The following TENM2 variants were observed in gnomAD, a reference collection of about 807,000 sequenced individuals.
The protein encoded by TENM2 is teneurin transmembrane protein 2, also known as teneurin-2.
TENM2 carries 52 observed loss-of-function variants against 245.2 expected under a neutral mutation model. The ratio of observed to expected loss-of-function variants is 0.21; its 90% confidence interval spans 0.17 to 0.27. TENM2 has a LOEUF of 0.27. Ranked by LOEUF, TENM2 falls within the 10% of genes least tolerant of loss-of-function variation. The pLI is 1.00. For missense variants in TENM2, 3,046 were observed against 3,666.8 expected (o/e 0.83, Z 4.37); for synonymous variants, 1,363 against 1,438.9 (o/e 0.95, Z 1.19).
chr5:167,115,072 C>T, the TENM2 span, among the ~76,000 whole-genome samples: 1 of 152,168 alleles, frequency 6.6e-6, no homozygotes, highest in African/African-American at 2.4e-5. Context: ...CCAGGAAGAC[C>T]TTGAAGCTGA....
intron 2 of TENM2, among the ~76,000 whole-genome samples, chr5:167,731,715 T>G (rs987907220): frequency 2.0e-5 from 3 of 150,644 alleles, no homozygotes; most frequent in South Asian, 2.1e-4. Context: ...TTTTTTTTTT[T>G]GAAATATTTA....
intron 9 of TENM2, among the ~76,000 whole-genome samples, chr5:168,115,114 T>A: frequency 6.6e-6 from 1 of 151,960 alleles, no homozygotes; most frequent in East Asian, 1.9e-4. Context: ...GCCAACATGG[T>A]GAAATCCCAT....
At chr5:167,023,553 T>G in the TENM2 span, among the ~76,000 whole-genome samples, 1 of 152,204 alleles carries the variant, frequency 6.6e-6, no homozygotes, top group African/African-American at 2.4e-5. Context: ...AAAATGCATC[T>G]AATAAAAATG....
intron 20 of TENM2, among the ~76,000 whole-genome samples, chr5:168,212,465 T>G (rs57386019): frequency 1.3e-5 from 2 of 152,104 alleles, no homozygotes; most frequent in South Asian, 4.1e-4. Context: ...TAAGGAAAAA[T>G]GACCTTATTT....
intron 3 of TENM2, among the ~76,000 whole-genome samples, chr5:167,912,900 A>G (rs2151589116): frequency 6.6e-6 from 1 of 152,276 alleles, no homozygotes; most frequent in African/African-American, 2.4e-5. Context: ...TGTGCCAGCC[A>G]CTGGTACACC....
chr5:168,174,327 C>T (rs1158870430), intron 13 of TENM2, among the ~76,000 whole-genome samples: 1 of 152,194 alleles, frequency 6.6e-6, no homozygotes, highest in Non-Finnish European at 1.5e-5. Flanking sequence ...AGCTCCTCCA[C>T]TTCCTCAAGA....
chr5:167,682,124 C>CCCTGCCTGCCTGCCTGCCTGCCTG (rs1169883905), intron 2 of TENM2, among the ~76,000 whole-genome samples: 5 of 119,982 alleles, frequency 4.2e-5, no homozygotes, highest in African/African-American at 1.7e-4. Context: ...CTCCCTCCCT[C>CCCTGCCTGCCTGCCTGCCTGCCTG]CCTGCCTGCC....
chr5:167,930,658 A>G (rs957828662), intron 3 of TENM2, among the ~76,000 whole-genome samples: 1 of 151,668 alleles, frequency 6.6e-6, no homozygotes, highest in African/African-American at 2.4e-5. Context: ...TTTTATTTTT[A>G]TTTTTGTAGA....
exon 8 of TENM2, chr5:168,090,740 A>G: frequency 1.2e-6 from 2 of 1,613,814 alleles, no homozygotes; most frequent in Non-Finnish European, 1.7e-6. Flanking sequence ...AAAGACAAAG[A>G]GATGGTTTCC....
At chr5:167,313,185 G>A (rs934900936) in intron 1 of TENM2, among the ~76,000 whole-genome samples, 5 of 151,948 alleles carry the variant, frequency 3.3e-5, no homozygotes, top group South Asian at 2.1e-4. Context: ...TTACAAGTGC[G>A]AGCCACCGTG....
At chr5:167,152,901 G>C in the TENM2 span, among the ~76,000 whole-genome samples, 1 of 152,086 alleles carries the variant, frequency 6.6e-6, no homozygotes, top group Admixed American at 6.6e-5. Context: ...GACCACAATT[G>C]ACCATGGGTA....
exon 22 of TENM2, chr5:168,216,781 C>T (rs1329308034): frequency 1.2e-6 from 2 of 1,613,864 alleles, no homozygotes; most frequent in South Asian, 2.2e-5. Context: ...TTGCAGTAGA[C>T]AAGAATGGGC....
At chr5:167,397,757 T>G (rs1475074008) in intron 2 of TENM2, among the ~76,000 whole-genome samples, 3 of 152,190 alleles carry the variant, frequency 2.0e-5, no homozygotes, top group Non-Finnish European at 4.4e-5. Flanking sequence ...GATACCAGAA[T>G]AGCAACTTGA....
chr5:167,637,559 T>G (rs1274075948), intron 2 of TENM2, among the ~76,000 whole-genome samples: 2 of 152,136 alleles, frequency 1.3e-5, no homozygotes, highest in African/African-American at 4.8e-5. Context: ...AGCAAAGACT[T>G]GGAACCAACC....
the TENM2 span, among the ~76,000 whole-genome samples, chr5:167,252,574 A>G: frequency 1.2e-4 from 18 of 152,158 alleles, no homozygotes; most frequent in African/African-American, 4.3e-4. Flanking sequence ...AGAGATCTGT[A>G]TGGGTTATAC....
At chr5:166,980,292 C>T in the TENM2 span, among the ~76,000 whole-genome samples, 1 of 152,086 alleles carries the variant, frequency 6.6e-6, no homozygotes. Context: ...TTGTGAGACA[C>T]GTACAGCAAT....
intron 2 of TENM2, among the ~76,000 whole-genome samples, chr5:167,863,789 C>G (rs1434891490): frequency 1.3e-5 from 2 of 152,106 alleles, no homozygotes; most frequent in Non-Finnish European, 1.5e-5. Context: ...AATAAAGAAC[C>G]CTGATCTCCT....
intron 4 of TENM2, among the ~76,000 whole-genome samples, chr5:167,988,867 G>T (rs1189965897): frequency 6.6e-6 from 1 of 152,110 alleles, no homozygotes; most frequent in Admixed American, 6.5e-5. Flanking sequence ...ATTGTCAAGG[G>T]AACATTTTTA....
At chr5:167,425,773 A>T (rs1763777668) in intron 2 of TENM2, among the ~76,000 whole-genome samples, 1 of 152,190 alleles carries the variant, frequency 6.6e-6, no homozygotes. Flanking sequence ...GATGATGATG[A>T]TGATGGTGAA....
Sources: gnomAD v4.1 joint callset for allele counts (sites outside exome capture counted in the v4.1 genomes callset) on GRCh38, gnomAD v4.1.1 for gene constraint, MANE v1.5 for transcripts, NCBI Gene and HGNC (gene_info 2026-07-23, HGNC 2026-07-21) for gene names.